Variants in TBC1D4 observed in about 807,000 individuals in gnomAD.
TBC1D4 encodes the protein TBC1 domain family member 4.
TBC1D4 carries 121 observed loss-of-function variants against 142.5 expected under a neutral mutation model. The observed-to-expected ratio is 0.85, with a 90% CI of 0.73 to 0.99. The LOEUF is 0.99. Among genes scored for constraint, TBC1D4 ranks in the 50% least tolerant of loss-of-function variants. The probability of loss-of-function intolerance (pLI) is 0.00; values close to 1 mark genes in which losing one functional copy is unlikely to be tolerated. For missense variants in TBC1D4, 1,475 were observed against 1,606.6 expected, an observed-to-expected ratio of 0.92 and a Z score of 1.40; for synonymous variants, 630 against 628.2, an observed-to-expected ratio of 1.00 and a Z score of -0.04.
chr13:75,459,169 C>T lies in TBC1D4; in HGVS notation c.498+22101G>A, dbSNP rs140453141. On this transcript the variant is annotated intron_variant, in intron 1 of 20. Coordinates refer to ENST00000377636, the MANE Select transcript of TBC1D4 (RefSeq NM_014832.5). ...GCAGGAAGGAGAGCATGTTTTTTACCAGCCTAGGGCAAGCAATGCCTTAGC... is the reference window on the plus strand; with the variant it reads ...GCAGGAAGGAGAGCATGTTTTTTACTAGCCTAGGGCAAGCAATGCCTTAGC... Among the ~76,000 whole-genome samples the T allele has an allele frequency of 5.9e-4, 90 of 152,284 alleles. 1 individual carries two copies. Among genetic ancestry groups the T allele is most frequent in the Non-Finnish European group, 1.0e-3 (69 of 68,014 alleles).
Position 75,411,561 on chromosome 13 carries a change from G to A in TBC1D4, c.499-48954C>T, listed in dbSNP as rs531214204. Among the ~76,000 whole-genome samples, 170 of 152,192 alleles carry A rather than the reference G, an allele frequency of 1.1e-3. 3 individuals are homozygous for A. Among genetic ancestry groups the A allele is most frequent in the Admixed American group, 5.2e-4 (8 of 15,292 alleles). Reference sequence around the variant, plus strand: ...TTTTTTTTGAGACAGAGTCTCGCTCGGTCATCCAGGTTGGAGTGCCGTGGT... The same window carrying A: ...TTTTTTTTGAGACAGAGTCTCGCTCAGTCATCCAGGTTGGAGTGCCGTGGT... On this transcript the variant is annotated intron_variant, in intron 1 of 20. Coordinates refer to ENST00000377636, the MANE Select transcript of TBC1D4 (RefSeq NM_014832.5).
At chr13:75,366,698 T>C (rs1046890328) in intron 1 of TBC1D4, among the ~76,000 whole-genome samples, 26 of 152,098 alleles carry the variant, frequency 1.7e-4, no homozygotes, top group Non-Finnish European at 3.1e-4. Flanking sequence ...AAAAAAAATA[T>C]TGCTTCTAGA....
At chr13:75,419,399 A>T (rs1886065032) in intron 1 of TBC1D4, among the ~76,000 whole-genome samples, 1 of 152,206 alleles carries the variant, frequency 6.6e-6, no homozygotes, top group Non-Finnish European at 1.5e-5. Context: ...TGTATCTAGT[A>T]AGGATTGCAG....
At chr13:75,344,604 T>C in intron 5 of TBC1D4, among the ~76,000 whole-genome samples, 1 of 152,136 alleles carries the variant, frequency 6.6e-6, no homozygotes, top group Non-Finnish European at 1.5e-5. Context: ...CAGATTCACA[T>C]TCTGAGGTTT....
chr13:75,374,832 T>C (rs1021436111), intron 1 of TBC1D4, among the ~76,000 whole-genome samples: 2 of 152,210 alleles, frequency 1.3e-5, no homozygotes, highest in African/African-American at 4.8e-5. Flanking sequence ...AAATCATCTA[T>C]AAATGACGTA....
chr13:75,397,460 T>C (rs1454879393), intron 1 of TBC1D4, among the ~76,000 whole-genome samples: 5 of 152,202 alleles, frequency 3.3e-5, no homozygotes, highest in Non-Finnish European at 1.5e-5. Context: ...ATACTCTCTG[T>C]AGCTGAAAAA....
intron 7 of TBC1D4, among the ~76,000 whole-genome samples, chr13:75,338,050 A>G (rs1880371656): frequency 6.6e-6 from 1 of 152,210 alleles, no homozygotes; most frequent in Admixed American, 6.5e-5. Context: ...TAGCAATCCA[A>G]ATTTATAAGC....
chr13:75,379,455 G>C (rs1883696124), intron 1 of TBC1D4, among the ~76,000 whole-genome samples: 1 of 152,056 alleles, frequency 6.6e-6, no homozygotes, highest in Non-Finnish European at 1.5e-5. Context: ...TATATATTTT[G>C]TTCACCACTA....
intron 13 of TBC1D4, among the ~76,000 whole-genome samples, chr13:75,312,148 T>A (rs575077109): frequency 6.6e-6 from 1 of 152,250 alleles, no homozygotes; most frequent in East Asian, 1.9e-4. Context: ...GTTTAATAGG[T>A]CAATTACTCA....
chr13:75,350,652 TTTC>T (rs1473373986), intron 4 of TBC1D4, among the ~76,000 whole-genome samples: 2 of 152,196 alleles, frequency 1.3e-5, no homozygotes, highest in Non-Finnish European at 1.5e-5. Context: ...TTATTTATTC[TTTC>T]TTGTTTCTTA....
At chr13:75,343,527 A>AT (rs200954201) in intron 5 of TBC1D4, among the ~76,000 whole-genome samples, 5 of 151,872 alleles carry the variant, frequency 3.3e-5, no homozygotes, top group Non-Finnish European at 2.9e-5. Context: ...ATTTTATTTT[A>AT]TTTATTTGAG....
At chr13:75,295,281 A>AT (rs1291509908) in intron 17 of TBC1D4, among the ~76,000 whole-genome samples, 1 of 152,142 alleles carries the variant, frequency 6.6e-6, no homozygotes, top group African/African-American at 2.4e-5. Context: ...AAGAAATGGA[A>AT]TTTTTTCTTC....
chr13:75,304,137 C>T (rs577577761), intron 15 of TBC1D4, among the ~76,000 whole-genome samples: 6 of 152,274 alleles, frequency 3.9e-5, no homozygotes, highest in East Asian at 1.9e-4. Flanking sequence ...AAGAATATAC[C>T]TTGCTGCTTA....
At chr13:75,425,247 A>G (rs952424872) in intron 1 of TBC1D4, among the ~76,000 whole-genome samples, 1 of 152,212 alleles carries the variant, frequency 6.6e-6, no homozygotes, top group Non-Finnish European at 1.5e-5. Context: ...AATGTTCAAC[A>G]TCACTAATCA....
At chr13:75,411,393 A>C (rs1036224591) in intron 1 of TBC1D4, among the ~76,000 whole-genome samples, 3 of 152,240 alleles carry the variant, frequency 2.0e-5, no homozygotes, top group Non-Finnish European at 4.4e-5. Context: ...CATTTGGAGT[A>C]AAGGACATTT....
At chr13:75,407,875 A>G (rs1388302970) in intron 1 of TBC1D4, among the ~76,000 whole-genome samples, 1 of 152,226 alleles carries the variant, frequency 6.6e-6, no homozygotes, top group Non-Finnish European at 1.5e-5. Context: ...AAATAGAAAA[A>G]AAAAAGAAAA....
intron 1 of TBC1D4, among the ~76,000 whole-genome samples, chr13:75,400,329 T>A (rs1420260645): frequency 5.9e-5 from 9 of 152,198 alleles, no homozygotes; most frequent in Non-Finnish European, 1.2e-4. Flanking sequence ...ATTTTTTGCA[T>A]GAACAACTCT....
chr13:75,296,135 G>C (rs545135052), intron 17 of TBC1D4, among the ~76,000 whole-genome samples: 2 of 151,476 alleles, frequency 1.3e-5, no homozygotes, highest in Non-Finnish European at 2.9e-5. Context: ...CACACAAACT[G>C]TAAATAAAAG....
intron 15 of TBC1D4, among the ~76,000 whole-genome samples, chr13:75,305,630 T>C (rs1199182446): frequency 6.6e-6 from 1 of 152,334 alleles, no homozygotes; most frequent in East Asian, 1.9e-4. Context: ...CAACAATCAT[T>C]ATAGAATTTC....
Sources: allele counts gnomAD v4.1 joint callset (sites outside exome capture counted in the v4.1 genomes callset), GRCh38; gene constraint gnomAD v4.1.1; transcripts MANE v1.5; gene names NCBI Gene and HGNC (gene_info 2026-07-23, HGNC 2026-07-21).